VPS35L: variants seen among roughly 807,000 people sequenced by gnomAD.
VPS35L encodes the protein VPS35 endosomal protein-sorting factor-like.
A neutral mutation model predicts 133.0 loss-of-function variants in VPS35L; 83 were observed. The ratio of observed to expected loss-of-function variants is 0.62; its 90% CI spans 0.52 to 0.75. The LOEUF (loss-of-function observed/expected upper bound fraction) is 0.75. Ranked by LOEUF, VPS35L falls within the 30% of genes least tolerant of loss-of-function variation. The pLI is 0.00. For missense variants in VPS35L, 1,083 were observed against 1,206.8 expected (o/e 0.90, Z 1.52); for synonymous variants, 423 against 449.9 (o/e 0.94, Z 0.76).
intron 1 of VPS35L, among the ~76,000 whole-genome samples, chr16:19,558,464 C>T (rs1970928640): frequency 6.6e-6 from 1 of 152,162 alleles, no homozygotes; most frequent in African/African-American, 2.4e-5. Flanking sequence ...TTGCGGGGTT[C>T]CCCAAATCCC....
rs1022928904 is a variant in VPS35L, at chr16:19,557,538, A to C, written c.17+1792A>C. 2.6e-5 allele frequency among the ~76,000 whole-genome samples: 4 copies of C among 151,854 alleles called. No individual in the cohort carries two copies. In the East Asian group the frequency reaches 7.9e-4, roughly 30 times the overall value. ...AGCTGGGATTACAGGCGATGCCACC[A>C]CACCAGGCTAATTTTTGTATTTTTA... On this transcript the variant is annotated intron_variant, in intron 1 of 30. Transcript: ENST00000417362.
At chr16:19,634,004 G>A (rs112856678) in intron 19 of VPS35L, among the ~76,000 whole-genome samples, 31,777 of 152,012 alleles carry the variant, frequency 0.21, 3,997 homozygotes, top group Non-Finnish European at 0.27. Flanking sequence ...GGGATTACAG[G>A]CATGAGCCAC....
At chr16:19,697,036 G>C (rs1975936793) in intron 29 of VPS35L, among the ~76,000 whole-genome samples, 1 of 152,214 alleles carries the variant, frequency 6.6e-6, no homozygotes, top group African/African-American at 2.4e-5. Flanking sequence ...TGCATTGTCT[G>C]TTAGAACAAA....
At chr16:19,686,665 G>A (rs184590309) in intron 28 of VPS35L, among the ~76,000 whole-genome samples, 190 of 152,236 alleles carry the variant, frequency 1.2e-3, no homozygotes, top group African/African-American at 4.1e-3. Context: ...TGAGAGCCAC[G>A]TCTGGACTTG....
chr16:19,623,984 T>G (rs1973174627), intron 14 of VPS35L, among the ~76,000 whole-genome samples: 1 of 150,464 alleles, frequency 6.6e-6, no homozygotes, highest in African/African-American at 2.4e-5. Flanking sequence ...TTAAATTTCT[T>G]TTAGAGATGA....
intron 5 of VPS35L, among the ~76,000 whole-genome samples, chr16:19,575,863 T>A (rs1378311724): frequency 8.6e-4 from 107 of 124,734 alleles, no homozygotes; most frequent in Admixed American, 2.4e-3. Flanking sequence ...ATTAAAAAAA[T>A]ATATATATAT....
intron 2 of VPS35L, among the ~76,000 whole-genome samples, chr16:19,567,603 G>T (rs1159261572): frequency 6.6e-6 from 1 of 152,036 alleles, no homozygotes; most frequent in Non-Finnish European, 1.5e-5. Flanking sequence ...CTAGACTGCA[G>T]TTCAACTCCA....
intron 27 of VPS35L, among the ~76,000 whole-genome samples, chr16:19,670,403 G>A (rs1347394503): frequency 4.6e-5 from 7 of 152,178 alleles, no homozygotes; most frequent in Non-Finnish European, 7.3e-5. Context: ...CCAGCTCTGC[G>A]TTCTTGGGCA....
In VPS35L at chr16:19,579,849, C is replaced by CT. The variant is rs1173138277; in HGVS notation, c.510+725dup. Reference sequence around the variant, plus strand: ...CATGTACTTTGAAAAAAAAGTGAGTCTTTTGCCAACACTTAAACAGTGGTA... The same window carrying CT: ...CATGTACTTTGAAAAAAAAGTGAGTCTTTTTGCCAACACTTAAACAGTGGTA... On this transcript the variant is annotated intron_variant, in intron 6 of 30. Transcript: ENST00000417362. 2.0e-5 allele frequency: 3 copies of CT among 151,900 alleles called. No individual in the cohort carries two copies. In the East Asian group the frequency reaches 5.9e-4, roughly 30 times the overall value. The allele number at this position is 151,900 out of a possible 1,614,324, so 9.4% of individuals were successfully genotyped here. A position where few individuals can be genotyped will look rare whatever the true frequency, so the allele number is the denominator to read the frequency against.
At position 19,601,713 on chromosome 16, in the gene VPS35L, C is replaced by A. The variant is rs764662565; in HGVS notation, c.774C>A (p.Ser258Arg). 2.5e-6 allele frequency: 4 copies of A among 1,614,014 alleles called. No homozygotes were observed. The highest frequency in any genetic ancestry group is 1.3e-5 in the African/African-American group (1 of 74,928). ...RIFSMCVDSR[S>R]VLPDHFSPEN... is the part of the protein sequence containing the mutation. ...TTTCCATGTGTGTGGATAGCCGCAG[C>A]GTCTTACCAGGTAATGTCGCAGCTG... Residue 258 changes from serine to arginine, a missense_variant, in exon 9 of 31, where the codon AGC (serine) becomes AGA (arginine). Coordinates refer to ENST00000417362, the MANE Select transcript of VPS35L (RefSeq NM_020314.7).
intron 1 of VPS35L, among the ~76,000 whole-genome samples, chr16:19,558,025 G>C (rs545492777): frequency 6.6e-6 from 1 of 152,098 alleles, no homozygotes; most frequent in East Asian, 1.9e-4. Flanking sequence ...AGCCAAGATC[G>C]TGCCATTGCA....
chr16:19,603,610 C>CT (rs1416706416), intron 9 of VPS35L, among the ~76,000 whole-genome samples: 1 of 152,196 alleles, frequency 6.6e-6, no homozygotes, highest in African/African-American at 2.4e-5. Context: ...GCAGCTCCTC[C>CT]TATGTTCTGG....
intron 19 of VPS35L, among the ~76,000 whole-genome samples, chr16:19,635,954 T>C (rs932614313): frequency 6.6e-6 from 1 of 152,174 alleles, no homozygotes; most frequent in Admixed American, 6.5e-5. Context: ...GAAGCCAAGA[T>C]GGGCGGATTG....
intron 18 of VPS35L, among the ~76,000 whole-genome samples, chr16:19,630,338 T>G (rs1481030084): frequency 1.7e-5 from 2 of 118,086 alleles, no homozygotes; most frequent in Admixed American, 8.9e-5. Context: ...TTTTTTTTTT[T>G]TTTTTTTTTT....
chr16:19,645,858 G>C (rs1251522778), intron 23 of VPS35L, among the ~76,000 whole-genome samples: 1 of 152,224 alleles, frequency 6.6e-6, no homozygotes, highest in Non-Finnish European at 1.5e-5. Flanking sequence ...AAACTATGCC[G>C]GGCAGGCAAA....
At position 19,630,923 on chromosome 16, in the gene VPS35L, C is replaced by T. The variant is rs540479228; in HGVS notation, c.1554+1103C>T. On this transcript the variant is annotated intron_variant, in intron 18 of 30. Coordinates refer to ENST00000417362, the MANE Select transcript of VPS35L (RefSeq NM_020314.7). ...ACCCAGGAGGTTGAGGGAGGAGAAT[C>T]GCTTCAATGTGGGAGGCAGAAGCTG... 1.1e-4 allele frequency among the ~76,000 whole-genome samples: 16 copies of T among 152,166 alleles called. No individual in the cohort carries two copies. The East Asian group carries it at 2.3e-3, about 22-fold the overall frequency.
At position 19,565,092 on chromosome 16, in the gene VPS35L, C is replaced by T. The variant is rs532557053; in HGVS notation, c.117+142C>T. On this transcript the variant is annotated intron_variant, in intron 2 of 30. Coordinates refer to ENST00000417362, the MANE Select transcript of VPS35L (RefSeq NM_020314.7). ...TTTTTTTTTCAGAGTCTTGCTCTGT[C>T]GCCCAGGCTGGAGTGCAGTGGTGGC... 1,766 of 565,854 alleles carry T rather than the reference C, an allele frequency of 3.1e-3. 4 individuals carry two copies. Among genetic ancestry groups the T allele is most frequent in the Non-Finnish European group, 4.4e-3 (1,469 of 330,618 alleles). The allele number at this position is 565,854 out of a possible 1,614,324, so 35.1% of individuals were successfully genotyped here.
At chr16:19,559,887 C>T (rs1238124798) in intron 1 of VPS35L, among the ~76,000 whole-genome samples, 3 of 152,150 alleles carry the variant, frequency 2.0e-5, no homozygotes, top group Non-Finnish European at 2.9e-5. Context: ...CGGGTTTTGC[C>T]GTGTTGGCCA....
At chr16:19,694,681 G>A (rs991467139) in intron 29 of VPS35L, among the ~76,000 whole-genome samples, 2 of 151,992 alleles carry the variant, frequency 1.3e-5, no homozygotes, top group Non-Finnish European at 2.9e-5. Context: ...CACAGCCGAG[G>A]TCTCTCTGGG....
Sources: allele counts gnomAD v4.1 joint callset (sites outside exome capture counted in the v4.1 genomes callset), GRCh38; gene constraint gnomAD v4.1.1; transcripts MANE v1.5; gene names NCBI Gene and HGNC (gene_info 2026-07-23, HGNC 2026-07-21).